Variants in CDH23 observed in about 807,000 individuals in gnomAD.
CDH23 encodes the protein cadherin-23.
CDH23 carries 189 observed loss-of-function variants against 317.1 expected under a neutral mutation model. The ratio of observed to expected loss-of-function variants is 0.60; its 90% CI spans 0.53 to 0.67. The LOEUF (loss-of-function observed/expected upper bound fraction) is 0.67, where lower values mean the gene tolerates loss of function less well. Ranked by LOEUF, CDH23 falls within the 30% of genes least tolerant of loss-of-function variation. The pLI is 0.00. For synonymous variants in CDH23, 1,839 were observed against 1,876.8 expected, an observed-to-expected ratio of 0.98 and a Z score of 0.52; for missense variants, 4,401 against 4,592.4, an observed-to-expected ratio of 0.96 and a Z score of 1.20.
intron 11 of CDH23, among the ~76,000 whole-genome samples, chr10:71,620,781 T>G (rs1192917873): frequency 6.6e-6 from 1 of 152,198 alleles, no homozygotes; most frequent in Non-Finnish European, 1.5e-5. Flanking sequence ...CACCCAACCC[T>G]GAGGTCACCT....
intron 6 of CDH23, among the ~76,000 whole-genome samples, chr10:71,566,022 TA>T (rs1282380160): frequency 6.6e-6 from 1 of 152,086 alleles, no homozygotes; most frequent in African/African-American, 2.4e-5. Flanking sequence ...GAAGTATAAA[TA>T]GCTCCATGCC....
intron 8 of CDH23, among the ~76,000 whole-genome samples, chr10:71,572,002 C>T (rs1247254575): frequency 6.6e-6 from 1 of 152,250 alleles, no homozygotes; most frequent in Admixed American, 6.5e-5. Context: ...CCCTTCACAG[C>T]ATGAGGCCGC....
Position 71,653,889 on chromosome 10 carries a change from G to T in CDH23, c.1449+7272G>T, listed in dbSNP as rs562545570. 5.3e-5 allele frequency among the ~76,000 whole-genome samples: 8 copies of T among 152,324 alleles called. No homozygotes were observed. In the East Asian group the frequency reaches 1.5e-3, roughly 29 times the overall value. On this transcript the variant is annotated intron_variant, in intron 14 of 69. Transcript: ENST00000224721. ...TTAGAAGGCACTGGGTAAATGGCAG[G>T]TGTCTTATCTGGGAGTCGGTGGAAC...
chr10:71,675,265 C>A, intron 15 of CDH23, 89 bp downstream of exon 15: 1 of 1,122,280 alleles, frequency 8.9e-7, no homozygotes, highest in Non-Finnish European at 1.3e-6. Flanking sequence ...TTTCAGTGCC[C>A]AGGGAGGGAG....
chr10:71,727,992 G>A (rs1276997673), intron 30 of CDH23, among the ~76,000 whole-genome samples: 1 of 152,120 alleles, frequency 6.6e-6, no homozygotes, highest in Non-Finnish European at 1.5e-5. Context: ...ATGGAGGACA[G>A]GCCACACCCC....
chr10:71,777,948 G>T, intron 39 of CDH23, 47 bp downstream of exon 39: 1 of 1,599,144 alleles, frequency 6.3e-7, no homozygotes, highest in South Asian at 1.1e-5. Context: ...AACCTATCCA[G>T]GGATTGGCAA....
At chr10:71,541,247 A>C (rs543472149) in intron 6 of CDH23, among the ~76,000 whole-genome samples, 1 of 152,250 alleles carries the variant, frequency 6.6e-6, no homozygotes, top group African/African-American at 2.4e-5. Flanking sequence ...TTTGGGGTGG[A>C]TAAATAGCTG....
chr10:71,786,819 C>T (rs570879962), intron 44 of CDH23, among the ~76,000 whole-genome samples: 11 of 152,106 alleles, frequency 7.2e-5, no homozygotes, highest in African/African-American at 2.7e-4. Flanking sequence ...ATTTTTGCCC[C>T]CACTTTTTCT....
intron 25 of CDH23, 44 bp downstream of exon 25, chr10:71,705,174 C>T (rs1284502070): frequency 6.4e-7 from 1 of 1,554,614 alleles, no homozygotes; most frequent in South Asian, 1.2e-5. Flanking sequence ...AGTGTGTGGG[C>T]ACAGGCCTGG....
chr10:71,560,425 C>T (rs1857073517), intron 6 of CDH23, among the ~76,000 whole-genome samples: 1 of 152,172 alleles, frequency 6.6e-6, no homozygotes, highest in South Asian at 2.1e-4. Context: ...AGCTGCCACC[C>T]TCATCCCCAG....
chr10:71,576,114 G>A (rs1439338346), intron 8 of CDH23, among the ~76,000 whole-genome samples: 1 of 152,190 alleles, frequency 6.6e-6, no homozygotes, highest in East Asian at 1.9e-4. Context: ...GCCCAGCACG[G>A]GCTCTGAGGA....
intron 14 of CDH23, among the ~76,000 whole-genome samples, chr10:71,655,531 C>T (rs1417981540): frequency 1.3e-5 from 2 of 152,158 alleles, no homozygotes; most frequent in Non-Finnish European, 2.9e-5. Flanking sequence ...TCCTCTGCCT[C>T]TTCTCTGGGG....
chr10:71,603,869 G>C (rs1045873805), intron 9 of CDH23, among the ~76,000 whole-genome samples: 2 of 152,212 alleles, frequency 1.3e-5, no homozygotes, highest in African/African-American at 4.8e-5. Context: ...AGCAGTGCTG[G>C]CTTCACACGG....
intron 9 of CDH23, among the ~76,000 whole-genome samples, chr10:71,601,074 C>T (rs1030028812): frequency 6.6e-6 from 1 of 152,308 alleles, no homozygotes; most frequent in East Asian, 1.9e-4. Flanking sequence ...CCAGAATCAT[C>T]TGCTTTGATG....
chr10:71,451,457 C>T (rs1850441913), intron 3 of CDH23, among the ~76,000 whole-genome samples: 1 of 152,226 alleles, frequency 6.6e-6, no homozygotes, highest in Non-Finnish European at 1.5e-5. Context: ...CGCTATCCCC[C>T]TCGCTAGCTC....
chr10:71,713,509 T>G, intron 28 of CDH23: 1 of 540,964 alleles, frequency 1.8e-6, no homozygotes, highest in Non-Finnish European at 3.3e-6. Context: ...CGTGGGAGGC[T>G]GGCAATGCTC....
At chr10:71,449,670 T>G (rs1483751634) in intron 3 of CDH23, among the ~76,000 whole-genome samples, 1 of 152,202 alleles carries the variant, frequency 6.6e-6, no homozygotes, top group African/African-American at 2.4e-5. Flanking sequence ...AGAGGTAGAG[T>G]TGGGCTACAG....
At chr10:71,513,465 A>G (rs1428505130) in intron 6 of CDH23, among the ~76,000 whole-genome samples, 1 of 152,104 alleles carries the variant, frequency 6.6e-6, no homozygotes, top group East Asian at 1.9e-4. Flanking sequence ...TGCCCTTTAG[A>G]GTGTGATTCA....
intron 3 of CDH23, among the ~76,000 whole-genome samples, chr10:71,478,627 G>C (rs868571383): frequency 2.6e-5 from 4 of 152,168 alleles, no homozygotes; most frequent in Non-Finnish European, 4.4e-5. Context: ...CATGGCCCCA[G>C]GTAGTTCATT....
Sources: gnomAD v4.1 joint callset for allele counts (sites outside exome capture counted in the v4.1 genomes callset) on GRCh38, gnomAD v4.1.1 for gene constraint, MANE v1.5 for transcripts, NCBI Gene and HGNC (gene_info 2026-07-23, HGNC 2026-07-21) for gene names.